FGF14: variants seen among roughly 807,000 people sequenced by gnomAD.
FGF14 encodes fibroblast growth factor homologous factor 4.
Under a neutral mutation model 25.5 loss-of-function variants are expected in FGF14, and 5 were observed. The ratio of observed to expected loss-of-function variants is 0.20; its 90% CI spans 0.10 to 0.41. The LOEUF is 0.41. Among genes scored for constraint, FGF14 ranks in the 10% least tolerant of loss-of-function variants. FGF14 has a pLI of 1.00. For synonymous variants in FGF14, 138 were observed against 118.3 expected (o/e 1.17, Z -1.08); for missense variants, 222 against 320.1 (o/e 0.69, Z 2.34).
chr13:101,846,498 G>T (rs953093996), intron 3 of FGF14, among the ~76,000 whole-genome samples: 1 of 151,978 alleles, frequency 6.6e-6, no homozygotes, highest in African/African-American at 2.4e-5. Flanking sequence ...CATTTTTGCC[G>T]ACTCTTAAAT....
In FGF14 at chr13:102,275,244, CTCTCTCTCTCTCTCTCTT is replaced by C. The variant is rs1360347329; in HGVS notation, c.208+126209_208+126226del. ...TGAGATTAGGCAGATTTCTCTCTCT[CTCTCTCTCTCTCTCTCTT>C]TCTCTCTCTCTCTCTCTCTCTCTCT... is the stretch of plus-strand genomic sequence containing the variant. On this transcript the variant is annotated intron_variant, in intron 1 of 4. Transcript: ENST00000376131. Among the ~76,000 whole-genome samples, 587 of 97,466 alleles carry C rather than the reference CTCTCTCTCTCTCTCTCTT, an allele frequency of 6.0e-3. 7 individuals are homozygous for C. The highest frequency in any genetic ancestry group is 0.037 in the East Asian group (107 of 2,858). 63.9% of individuals were successfully genotyped at this position (97,466 alleles called of 152,430 possible). A position where few individuals can be genotyped will look rare whatever the true frequency, so the allele number is the denominator to read the frequency against.
chr13:102,072,578 A>G (rs1008287711), intron 1 of FGF14, among the ~76,000 whole-genome samples: 1 of 152,228 alleles, frequency 6.6e-6, no homozygotes, highest in East Asian at 1.9e-4. Flanking sequence ...CAACTAAGTA[A>G]TACAGGATAA....
intron 3 of FGF14, among the ~76,000 whole-genome samples, chr13:101,760,673 A>T (rs2037964063): frequency 6.6e-6 from 1 of 152,222 alleles, no homozygotes; most frequent in African/African-American, 2.4e-5. Context: ...ACAAGTGCTT[A>T]CTGAGCATCT....
rs1235686083 is a variant in FGF14, at chr13:101,711,256, C to T, written c.*11575G>A. 1 of 152,248 alleles carries T rather than the reference C, an allele frequency of 6.6e-6. No individual in the cohort carries two copies. The highest frequency in any genetic ancestry group is 1.5e-5 in the Non-Finnish European group (1 of 68,062). The allele number at this position is 152,248 out of a possible 1,614,324, so 9.4% of individuals were successfully genotyped here. ...CAGATAATCACGTCCAATCTTCTTACAGATGCTGTTGTGTGACAATGGCTG... is the reference window on the plus strand; with the variant it reads ...CAGATAATCACGTCCAATCTTCTTATAGATGCTGTTGTGTGACAATGGCTG... On this transcript the variant is annotated 3_prime_UTR_variant, in exon 5 of 5. Transcript: ENST00000376143.
At chr13:102,288,464 G>A (rs2054214540) in intron 1 of FGF14, among the ~76,000 whole-genome samples, 1 of 151,944 alleles carries the variant, frequency 6.6e-6, no homozygotes, top group Non-Finnish European at 1.5e-5. Flanking sequence ...ATTTTAAATA[G>A]TCCTTTCATG....
At chr13:101,979,790 A>G (rs1004366127) in intron 1 of FGF14, among the ~76,000 whole-genome samples, 2 of 152,232 alleles carry the variant, frequency 1.3e-5, no homozygotes, top group African/African-American at 4.8e-5. Context: ...TTTACATAGA[A>G]CTGATTATAC....
chr13:102,383,852 G>A (rs1595016660), intron 1 of FGF14, among the ~76,000 whole-genome samples: 1 of 152,024 alleles, frequency 6.6e-6, no homozygotes, highest in African/African-American at 2.4e-5. Context: ...AATTCAGGAA[G>A]GGTTGGGTGT....
chr13:102,327,632 C>T (rs187858163), intron 1 of FGF14, among the ~76,000 whole-genome samples: 5 of 152,172 alleles, frequency 3.3e-5, no homozygotes, highest in Admixed American at 3.3e-4. Context: ...GCCAGAAATT[C>T]GAGACCAGCC....
At chr13:102,301,491 G>C (rs142698311) in intron 1 of FGF14, among the ~76,000 whole-genome samples, 10 of 152,242 alleles carry the variant, frequency 6.6e-5, no homozygotes, top group African/African-American at 2.2e-4. Context: ...GGGGTAGGTA[G>C]ATAAAAATGT....
intron 3 of FGF14, among the ~76,000 whole-genome samples, chr13:101,857,712 T>C (rs12430057): frequency 6.6e-6 from 1 of 151,908 alleles, no homozygotes; most frequent in Non-Finnish European, 1.5e-5. Flanking sequence ...GCGTCTATCT[T>C]TGTCATCACT....
Position 102,162,804 on chromosome 13 carries a change from G to T in FGF14, c.208+238667C>A, listed in dbSNP as rs74109507. Among the ~76,000 whole-genome samples the T allele has an allele frequency of 3.5e-3, 526 of 152,284 alleles. 3 individuals carry two copies. Among genetic ancestry groups the T allele is most frequent in the African/African-American group, 0.012 (504 of 41,562 alleles). On this transcript the variant is annotated intron_variant, in intron 1 of 4. Coordinates refer to the FGF14 transcript ENST00000376131. ...ATGTACCCCAGCCTTGTGTTGAAAT[G>T]AGCTGCCAGGTTTTTTCTATTGTAT...
chr13:101,714,643 A>T lies in FGF14; in HGVS notation c.*8188T>A, dbSNP rs2034632230. On this transcript the variant is annotated 3_prime_UTR_variant, in exon 5 of 5. Coordinates refer to ENST00000376143, the MANE Select transcript of FGF14 (RefSeq NM_004115.4). Reference sequence around the variant, plus strand: ...ATGCAATGCTTTAGGTGGCTGGACCAACAGGGCCAACCGTGAATATGAAAT... The same window carrying T: ...ATGCAATGCTTTAGGTGGCTGGACCTACAGGGCCAACCGTGAATATGAAAT... The T allele has an allele frequency of 1.3e-6, 1 of 787,660 alleles. No individual in the cohort carries two copies. Among genetic ancestry groups the T allele is most frequent in the Non-Finnish European group, 2.3e-6 (1 of 442,862 alleles). The allele number at this position is 787,660 out of a possible 1,614,324, so 48.8% of individuals were successfully genotyped here. A position where few individuals can be genotyped will look rare whatever the true frequency, so the allele number is the denominator to read the frequency against.
chr13:101,717,944 T>C lies in FGF14; in HGVS notation c.*4887A>G, dbSNP rs974236871. The C allele has an allele frequency of 6.6e-6, 1 of 152,146 alleles. No homozygotes were observed. The highest frequency in any genetic ancestry group is 1.5e-5 in the Non-Finnish European group (1 of 68,022). The allele number at this position is 152,146 out of a possible 1,614,324, so 9.4% of individuals were successfully genotyped here. A position where few individuals can be genotyped will look rare whatever the true frequency, so the allele number is the denominator to read the frequency against. The stretch of plus-strand genomic sequence containing the variant: ...AGTGCTGCTCTTTTTCATAGTCTCA[T>C]GTAAGAAGAGTGTCAAAAATGTCCT... On this transcript the variant is annotated 3_prime_UTR_variant, in exon 5 of 5. Transcript: ENST00000376143.
At chr13:101,724,067 T>C (rs1325154796) in intron 4 of FGF14, among the ~76,000 whole-genome samples, 5 of 152,072 alleles carry the variant, frequency 3.3e-5, no homozygotes, top group Non-Finnish European at 7.4e-5. Context: ...AAGGTTTCTA[T>C]TAAATTACTT....
chr13:102,001,027 G>C (rs955278789), intron 1 of FGF14, among the ~76,000 whole-genome samples: 1 of 152,132 alleles, frequency 6.6e-6, no homozygotes, highest in Non-Finnish European at 1.5e-5. Flanking sequence ...ATGATTTAGG[G>C]TTGGGATGAA....
chr13:102,170,269 A>G (rs1423100636), intron 1 of FGF14, among the ~76,000 whole-genome samples: 2 of 152,040 alleles, frequency 1.3e-5, no homozygotes, highest in African/African-American at 4.8e-5. Context: ...AAGTCTATTA[A>G]TCTCCATGAG....
upstream of FGF14, among the ~76,000 whole-genome samples, chr13:101,920,682 AC>A (rs529721254): frequency 6.6e-6 from 1 of 151,398 alleles, no homozygotes; most frequent in Non-Finnish European, 1.5e-5. Flanking sequence ...CCTCACCACC[AC>A]CCCCCCACAG....
At chr13:101,926,907 T>C (rs904606159) in intron 1 of FGF14, among the ~76,000 whole-genome samples, 15 of 152,244 alleles carry the variant, frequency 9.9e-5, no homozygotes, top group African/African-American at 3.6e-4. Flanking sequence ...GTGCCATTTA[T>C]GCAAAAGATT....
At position 102,400,313 on chromosome 13, in the gene FGF14, C is replaced by T. The variant is rs1251699312; in HGVS notation, c.208+1158G>A. Among the ~76,000 whole-genome samples the T allele has an allele frequency of 2.0e-5, 3 of 152,202 alleles. No individual in the cohort carries two copies. In the East Asian group the frequency reaches 5.8e-4, roughly 29 times the overall value. On this transcript the variant is annotated intron_variant, in intron 1 of 4. Transcript: ENST00000376131. The surrounding 1 kb of genome is among the most constrained non-coding windows in gnomAD (Gnocchi z 4.3). ...GCTTCCAGAGCCCGGGCTGCCACTG[C>T]GGGACGGCCGATCTGCCCGCTCCCT... is the stretch of plus-strand genomic sequence containing the variant.
Sources: allele counts gnomAD v4.1 joint callset (sites outside exome capture counted in the v4.1 genomes callset), GRCh38; gene constraint gnomAD v4.1.1; non-coding constraint Gnocchi (gnomAD v3.1); transcripts MANE v1.5; gene names NCBI Gene and HGNC (gene_info 2026-07-23, HGNC 2026-07-21).